CNTN4: variants seen among roughly 807,000 people sequenced by gnomAD.
The protein encoded by CNTN4 is contactin-4.
A neutral mutation model predicts 122.5 loss-of-function variants in CNTN4; 77 were observed. The observed-to-expected ratio is 0.63, with a 90% CI of 0.52 to 0.76. The LOEUF (loss-of-function observed/expected upper bound fraction) is 0.76. CNTN4 is among the 30% of genes least tolerant of loss of function. The pLI, the probability that CNTN4 is intolerant of heterozygous loss-of-function variation, is 0.00. For missense variants in CNTN4, 1,256 were observed against 1,259.1 expected (o/e 1.00, Z 0.04); for synonymous variants, 512 against 447.0 (o/e 1.15, Z -1.83).
chr3:2,616,982 A>C (rs918627370), intron 4 of CNTN4, among the ~76,000 whole-genome samples: 20 of 152,148 alleles, frequency 1.3e-4, no homozygotes, highest in African/African-American at 4.3e-4. Context: ...CCTTATACGA[A>C]AATTAACTCA....
At chr3:2,230,504 A>G (rs762635688) in intron 2 of CNTN4, among the ~76,000 whole-genome samples, 10 of 152,140 alleles carry the variant, frequency 6.6e-5, no homozygotes, top group Non-Finnish European at 1.0e-4. Context: ...GACCCACATA[A>G]TGGGATTGCA....
intron 12 of CNTN4, among the ~76,000 whole-genome samples, chr3:2,912,633 T>C (rs576731172): frequency 3.3e-4 from 50 of 152,310 alleles, no homozygotes; most frequent in African/African-American, 1.2e-3. Flanking sequence ...TGTTAATAAC[T>C]GTACAGTATA....
At chr3:2,424,141 C>T (rs531648412) in intron 3 of CNTN4, among the ~76,000 whole-genome samples, 19 of 150,838 alleles carry the variant, frequency 1.3e-4, no homozygotes, top group Non-Finnish European at 1.5e-5. Context: ...ACGTATACAT[C>T]TGCCATGTTG....
At chr3:2,288,109 A>G in intron 2 of CNTN4, among the ~76,000 whole-genome samples, 1 of 152,236 alleles carries the variant, frequency 6.6e-6, no homozygotes, top group East Asian at 1.9e-4. Flanking sequence ...ATTAGTTGAA[A>G]TAATCTGAAA....
intron 2 of CNTN4, among the ~76,000 whole-genome samples, chr3:2,230,610 C>A (rs1232190565): frequency 6.6e-6 from 1 of 152,082 alleles, no homozygotes; most frequent in African/African-American, 2.4e-5. Context: ...ATCAAAGCAC[C>A]CACGGGTACA....
intron 3 of CNTN4, among the ~76,000 whole-genome samples, chr3:2,352,470 G>T (rs565765348): frequency 6.6e-6 from 1 of 152,196 alleles, no homozygotes; most frequent in Non-Finnish European, 1.5e-5. Context: ...CAGGCTCCAC[G>T]GGCCCCACAC....
chr3:2,776,274 CTTTTTTTTTT>C lies in CNTN4; in HGVS notation c.358+30587_358+30596del, dbSNP rs10575193. 6.8e-3 allele frequency among the ~76,000 whole-genome samples: 917 copies of C among 134,200 alleles called. 15 individuals are homozygous for C. Among genetic ancestry groups the C allele is most frequent in the African/African-American group, 0.025 (884 of 35,272 alleles). The allele number at this position is 134,200 out of a possible 152,430, so 88.0% of individuals were successfully genotyped here. A position where few individuals can be genotyped will look rare whatever the true frequency, so the allele number is the denominator to read the frequency against. ...GCAATTTGATTGGTTATAAGTGTTT[CTTTTTTTTTT>C]TTTTTTTTTGGAAAGAATATAAGTG... On this transcript the variant is annotated intron_variant, in intron 6 of 24. Transcript: ENST00000418658.
intron 4 of CNTN4, among the ~76,000 whole-genome samples, chr3:2,601,719 G>T (rs1362748005): frequency 6.6e-6 from 1 of 152,154 alleles, no homozygotes; most frequent in East Asian, 1.9e-4. Context: ...GAACTTTAAA[G>T]TAGTTTTTTC....
At chr3:2,847,184 A>G (rs2093470409) in intron 7 of CNTN4, among the ~76,000 whole-genome samples, 1 of 147,898 alleles carries the variant, frequency 6.8e-6, no homozygotes. Context: ...AAAAAGATAG[A>G]CTTGGCAGTT....
intron 2 of CNTN4, among the ~76,000 whole-genome samples, chr3:2,285,169 T>A (rs1229519805): frequency 6.6e-6 from 1 of 152,060 alleles, no homozygotes; most frequent in Non-Finnish European, 1.5e-5. Flanking sequence ...ATGTAGAGAT[T>A]GGAGTTCCTA....
chr3:2,594,296 AC>A (rs2080652652), intron 4 of CNTN4, among the ~76,000 whole-genome samples: 1 of 152,216 alleles, frequency 6.6e-6, no homozygotes, highest in Non-Finnish European at 1.5e-5. Flanking sequence ...TACACAAAGT[AC>A]ATATTTATCC....
At chr3:2,126,479 A>G (rs563246095) in intron 2 of CNTN4, among the ~76,000 whole-genome samples, 2 of 152,320 alleles carry the variant, frequency 1.3e-5, no homozygotes, top group Middle Eastern at 6.8e-3. Context: ...GATTTATGCC[A>G]TATAATTAAG....
intron 2 of CNTN4, among the ~76,000 whole-genome samples, chr3:2,206,559 C>G (rs944059322): frequency 2.0e-5 from 3 of 152,040 alleles, no homozygotes; most frequent in East Asian, 3.9e-4. Context: ...AATATTTGCA[C>G]TTGATTCTAA....
At chr3:2,153,315 A>G (rs2035573938) in intron 2 of CNTN4, among the ~76,000 whole-genome samples, 1 of 152,128 alleles carries the variant, frequency 6.6e-6, no homozygotes, top group Non-Finnish European at 1.5e-5. Context: ...GAAGAAGAGG[A>G]GCAACCCATG....
intron 2 of CNTN4, among the ~76,000 whole-genome samples, chr3:2,311,046 C>T (rs1331930394): frequency 6.6e-6 from 1 of 151,976 alleles, no homozygotes; most frequent in East Asian, 1.9e-4. Flanking sequence ...AGGAATGTGG[C>T]CTGGAATGAA....
chr3:2,370,223 G>T (rs1484487007), intron 3 of CNTN4, among the ~76,000 whole-genome samples: 1 of 152,100 alleles, frequency 6.6e-6, no homozygotes. Flanking sequence ...ATTTATCTCT[G>T]ATATTTAATA....
At chr3:2,203,168 G>A (rs1312782409) in intron 2 of CNTN4, among the ~76,000 whole-genome samples, 2 of 152,014 alleles carry the variant, frequency 1.3e-5, no homozygotes, top group African/African-American at 2.4e-5. Context: ...ATATACATAT[G>A]TGTATTTCTA....
intron 7 of CNTN4, among the ~76,000 whole-genome samples, chr3:2,834,022 T>C (rs2093160967): frequency 6.6e-6 from 1 of 152,062 alleles, no homozygotes; most frequent in African/African-American, 2.4e-5. Flanking sequence ...GGCGGGCACC[T>C]GTAGTCCCAG....
At chr3:2,519,918 G>T (rs984870368) in intron 3 of CNTN4, among the ~76,000 whole-genome samples, 7 of 152,130 alleles carry the variant, frequency 4.6e-5, no homozygotes, top group African/African-American at 1.7e-4. Flanking sequence ...GAGGGAACCT[G>T]TGTTAATGAT....
Sources: allele counts gnomAD v4.1 joint callset (sites outside exome capture counted in the v4.1 genomes callset), GRCh38; gene constraint gnomAD v4.1.1; transcripts MANE v1.5; gene names NCBI Gene and HGNC (gene_info 2026-07-23, HGNC 2026-07-21).